The following CIZ1 variants were observed in gnomAD, a reference collection of about 807,000 sequenced individuals.
CIZ1 encodes the protein CDKN1A interacting zinc finger protein 1, also known as cip1-interacting zinc finger protein.
A neutral mutation model predicts 118.6 loss-of-function variants in CIZ1; 58 were observed. That is an observed-to-expected ratio of 0.49 (90% CI 0.40 to 0.61). CIZ1 has a LOEUF of 0.61. CIZ1 is among the 20% of genes least tolerant of loss of function. The pLI, the probability that CIZ1 is intolerant of heterozygous loss-of-function variation, is 0.00. For synonymous variants in CIZ1, 448 were observed against 443.4 expected (o/e 1.01, Z -0.13); for missense variants, 921 against 1,115.9 (o/e 0.83, Z 2.49).
intron 12 of CIZ1, 102 bp downstream of exon 12, chr9:128,169,918 G>A: frequency 8.6e-7 from 1 of 1,160,102 alleles, no homozygotes; most frequent in East Asian, 2.4e-5. Flanking sequence ...GGGTGTGCAG[G>A]GGCAAAGAGG....
At chr9:128,168,286 T>A (rs1036564354) in intron 14 of CIZ1, among the ~76,000 whole-genome samples, 10 of 152,084 alleles carry the variant, frequency 6.6e-5, no homozygotes, top group Non-Finnish European at 1.5e-4. Context: ...TAGGCCGAGG[T>A]GGGTGGATCA....
At chr9:128,198,305 A>T (rs561735117) in intron 1 of CIZ1, 1 of 152,296 alleles carries the variant, frequency 6.6e-6, no homozygotes, top group South Asian at 2.1e-4. Context: ...CCTGCGTCTT[A>T]TTAACCTCTT....
intron 5 of CIZ1, among the ~76,000 whole-genome samples, chr9:128,181,612 T>A (rs1460461474): frequency 6.6e-6 from 1 of 152,226 alleles, no homozygotes; most frequent in Non-Finnish European, 1.5e-5. Flanking sequence ...AGCGTGAGCC[T>A]TCTGTTATGC....
Position 128,166,860 on chromosome 9 carries a change from CG to C in CIZ1, c.2385del (p.Val796Ter). The C allele has an allele frequency of 6.2e-7, 1 of 1,614,212 alleles. No individual in the cohort carries two copies. The highest frequency in any genetic ancestry group is 8.5e-7 in the Non-Finnish European group (1 of 1,180,036). On this transcript the variant is annotated frameshift_variant, in exon 16 of 17. Coordinates refer to ENST00000372938, the MANE Select transcript of CIZ1 (RefSeq NM_001131016.2). LOFTEE classifies it high-confidence loss of function. This position sits in a 1 kb window ranked among gnomAD's most constrained non-coding sequence, Gnocchi z 4.4. ...NTAYGVDFLV[P>X]VMGYICRICH... ...CAGATGCGGCAGATATAGCCCATCA[CG>C]GGCACCAGGAAGTCCACACCTGTAG... is the stretch of plus-strand genomic sequence containing the variant.
Position 128,179,252 on chromosome 9 carries a change from G to T in CIZ1, c.955C>A (p.Gln319Lys). 6.2e-7 allele frequency: 1 copy of T among 1,614,166 alleles called. No homozygotes were observed. Among genetic ancestry groups the T allele is most frequent in the Non-Finnish European group, 8.5e-7 (1 of 1,180,038 alleles). ...TGAGTCTGTGACTGCACCTGGGCCT[G>T]GACCTGCAGGACCCGTGGCTGGAAT... ...PRFQPRVLQV[Q>K]AQVQSQTQPR... Residue 319 changes from glutamine to lysine, a missense_variant, in exon 8 of 17, where the codon CAG (glutamine) becomes AAG (lysine). By Grantham distance (53) the Gln-to-Lys change is moderately conservative (BLOSUM62 1). Transcript: ENST00000372938.
chr9:128,176,275 G>A, intron 11 of CIZ1, 76 bp downstream of exon 11: 1 of 1,565,988 alleles, frequency 6.4e-7, no homozygotes, highest in Non-Finnish European at 8.7e-7. Flanking sequence ...GGTAAACCCT[G>A]CAGATGGTAG....
At chr9:128,187,831 A>T in intron 4 of CIZ1, 32 bp downstream of exon 4, 1 of 576,636 alleles carries the variant, frequency 1.7e-6, no homozygotes, top group Non-Finnish European at 3.2e-6. Context: ...GTATATATAC[A>T]TTTATATATA....
upstream of CIZ1, among the ~76,000 whole-genome samples, chr9:128,192,886 T>C (rs2131037465): frequency 6.6e-6 from 1 of 152,342 alleles, no homozygotes; most frequent in South Asian, 2.1e-4. Flanking sequence ...CCCTGCCTTG[T>C]GCGTGTCACA....
At chr9:128,172,368 C>T (rs1373503095) in intron 11 of CIZ1, among the ~76,000 whole-genome samples, 2 of 151,900 alleles carry the variant, frequency 1.3e-5, no homozygotes, top group African/African-American at 2.4e-5. Flanking sequence ...GTGGCAGGCA[C>T]CTGTAATCCC....
At chr9:128,173,441 G>A (rs931025484) in intron 11 of CIZ1, among the ~76,000 whole-genome samples, 10 of 151,740 alleles carry the variant, frequency 6.6e-5, no homozygotes, top group African/African-American at 1.9e-4. Flanking sequence ...TACCGCGCCC[G>A]GCCGGCTAAT....
chr9:128,178,530 GC>G, intron 8 of CIZ1, 40 bp from the exon 9 acceptor site: 1 of 1,613,616 alleles, frequency 6.2e-7, no homozygotes, highest in Non-Finnish European at 8.5e-7. Flanking sequence ...GAGTCCCCAG[GC>G]CCAAGAGCTG....
At chr9:128,176,908 C>CT (rs1028735078) in intron 10 of CIZ1, among the ~76,000 whole-genome samples, 10 of 152,122 alleles carry the variant, frequency 6.6e-5, no homozygotes, top group East Asian at 3.9e-4. Flanking sequence ...CTAAACGTTT[C>CT]TTTTTTTTGT....
rs780499364 is a variant in CIZ1, at chr9:128,178,771, G to A, written c.1436C>T (p.Thr479Ile). ...CCCGCAGACATGAACCACAACTGGT[G>A]TTTGCTCTGGAGCCAGCAACGACAC... ...PQVSLLAPEQ[T>I]PVVVHVCGLE... is the part of the protein sequence containing the mutation. The change falls in exon 8 of 17, where the codon ACA (threonine) becomes ATA (isoleucine). Residue 479 changes from threonine to isoleucine, a missense_variant. Coordinates refer to ENST00000372938, the MANE Select transcript of CIZ1 (RefSeq NM_001131016.2). The A allele has an allele frequency of 6.2e-7, 1 of 1,614,278 alleles. No homozygotes were observed. Among genetic ancestry groups the A allele is most frequent in the South Asian group, 1.1e-5 (1 of 91,090 alleles).
Position 128,178,390 on chromosome 9 carries a change from G to GT in CIZ1, c.1598dup (p.Asn533LysfsTer25). The GT allele has an allele frequency of 6.2e-7, 1 of 1,613,892 alleles. No individual in the cohort carries two copies. Among genetic ancestry groups the GT allele is most frequent in the Non-Finnish European group, 8.5e-7 (1 of 1,179,946 alleles). On this transcript the variant is annotated frameshift_variant, in exon 9 of 17. Transcript: ENST00000372938. LOFTEE classifies it high-confidence loss of function. ...CCACCCCTGGCATCTCTCTCGCTCT[G>GT]TTTTCACATTCTCCCACATCTAGGC... is the stretch of plus-strand genomic sequence containing the variant.
chr9:128,168,681 C>T (rs1341659715), intron 14 of CIZ1: 1 of 270,876 alleles, frequency 3.7e-6, no homozygotes, highest in Non-Finnish European at 7.3e-6. Context: ...TTGGTACACA[C>T]ACCTGGAACA....
intron 11 of CIZ1, 115 bp from the exon 12 acceptor site, chr9:128,170,222 G>A: frequency 1.1e-6 from 1 of 880,602 alleles, no homozygotes; most frequent in Middle Eastern, 2.2e-4. Context: ...ATCTCTTAGG[G>A]AAGCTTAACA....
rs572264214 is a variant in CIZ1, at chr9:128,203,294, C to T, written c.-6+892G>A. The T allele has an allele frequency of 2.8e-6, 1 of 360,330 alleles. No homozygotes were observed. The highest frequency in any genetic ancestry group is 4.2e-6 in the Non-Finnish European group (1 of 237,864). The allele number at this position is 360,330 out of a possible 1,614,324, so 22.3% of individuals were successfully genotyped here. A position where few individuals can be genotyped will look rare whatever the true frequency, so the allele number is the denominator to read the frequency against. On this transcript the variant is annotated intron_variant, in intron 1 of 17. Coordinates refer to the CIZ1 transcript ENST00000372948. This position sits in a 1 kb window ranked among gnomAD's most constrained non-coding sequence, Gnocchi z 5.3. ...ACGGCGCCTGCGCACGGCGGCCGGCCCGCAGCGCCGCGGGCTCCCCCTAGC... is the reference window on the plus strand; with the variant it reads ...ACGGCGCCTGCGCACGGCGGCCGGCTCGCAGCGCCGCGGGCTCCCCCTAGC...
At chr9:128,198,264 C>G (rs867438516) in intron 1 of CIZ1, 1 of 152,354 alleles carries the variant, frequency 6.6e-6, no homozygotes, top group Non-Finnish European at 1.5e-5. Context: ...CTTAGCCCCT[C>G]CCCTGTGACT....
rs1462123460 is a variant in CIZ1 at position 128,180,712 on chromosome 9, C to T, written c.682+9G>A. On this transcript the variant is annotated intron_variant, in intron 6 of 16. Transcript: ENST00000372938. ...TCCCTCTGAAGGGCCAGCAGCCTCC[C>T]TCCCTCACCTTCTGGTGTGTCCATC... The T allele has an allele frequency of 1.3e-6, 2 of 1,595,478 alleles. No individual in the cohort carries two copies. Among genetic ancestry groups the T allele is most frequent in the Non-Finnish European group, 1.7e-6 (2 of 1,169,448 alleles).
Sources: allele counts gnomAD v4.1 joint callset (sites outside exome capture counted in the v4.1 genomes callset), GRCh38; gene constraint gnomAD v4.1.1; non-coding constraint Gnocchi (gnomAD v3.1); transcripts MANE v1.5; gene names NCBI Gene and HGNC (gene_info 2026-07-23, HGNC 2026-07-21).